The following OR2L13 variants were observed in gnomAD, a reference collection of about 807,000 sequenced individuals.
OR2L13 encodes the protein olfactory receptor family 2 subfamily L member 13.
A neutral mutation model predicts 15.3 loss-of-function variants in OR2L13; 14 were observed. That is an observed-to-expected ratio of 0.91 (90% CI 0.60 to 1.43). OR2L13 has a LOEUF of 1.43. Among genes scored for constraint, OR2L13 ranks in the 40% most tolerant of loss-of-function variants. OR2L13 has a pLI of 0.00. For synonymous variants in OR2L13, 152 were observed against 142.9 expected (o/e 1.06, Z -0.45); for missense variants, 367 against 387.9 (o/e 0.95, Z 0.45).
At chr1:248,053,290 T>C in the OR2L13 span, among the ~76,000 whole-genome samples, 1 of 152,322 alleles carries the variant, frequency 6.6e-6, no homozygotes, top group South Asian at 2.1e-4. Context: ...GATCTTATTA[T>C]TTTTTATGGC....
At chr1:248,099,986 T>C in exon 3 of OR2L13, 2 of 1,614,176 alleles carry the variant, frequency 1.2e-6, no homozygotes, top group Non-Finnish European at 1.7e-6. Context: ...AGTACAAGCC[T>C]CTTTCTCCTT....
At chr1:247,980,101 A>C in the OR2L13 span, among the ~76,000 whole-genome samples, 1 of 152,158 alleles carries the variant, frequency 6.6e-6, no homozygotes, top group Non-Finnish European at 1.5e-5. Context: ...TAATTAATTT[A>C]CTGGAAACCA....
chr1:248,077,696 C>G, the OR2L13 span, among the ~76,000 whole-genome samples: 22,786 of 151,876 alleles, frequency 0.15, 3,225 homozygotes, highest in African/African-American at 0.38. Flanking sequence ...TGTGTAAGTA[C>G]GACTTCATGA....
chr1:248,092,101 G>T (rs1388173543), upstream of OR2L13, among the ~76,000 whole-genome samples: 3 of 152,142 alleles, frequency 2.0e-5, no homozygotes, highest in East Asian at 1.9e-4. Context: ...GTATAGAAAT[G>T]ACACTGACTT....
the OR2L13 span, among the ~76,000 whole-genome samples, chr1:248,076,149 A>G: frequency 6.6e-6 from 1 of 152,114 alleles, no homozygotes; most frequent in South Asian, 2.1e-4. Flanking sequence ...CAAAGATCAG[A>G]TGGTTGTAGA....
the OR2L13 span, among the ~76,000 whole-genome samples, chr1:248,027,595 A>T: frequency 6.6e-6 from 1 of 152,152 alleles, no homozygotes; most frequent in East Asian, 1.9e-4. Flanking sequence ...CTGTCCCTTT[A>T]TTTCTCAGAC....
the OR2L13 span, among the ~76,000 whole-genome samples, chr1:247,983,335 G>A: frequency 6.6e-6 from 1 of 152,172 alleles, no homozygotes; most frequent in South Asian, 2.1e-4. Context: ...GACGTCGCCC[G>A]GGTTGAATGT....
chr1:247,975,992 CAAA>C, the OR2L13 span, among the ~76,000 whole-genome samples: 1 of 151,522 alleles, frequency 6.6e-6, no homozygotes, highest in Non-Finnish European at 1.5e-5. Flanking sequence ...ATTATTAAGA[CAAA>C]AATAATAAAT....
At chr1:248,017,834 C>A in the OR2L13 span, among the ~76,000 whole-genome samples, 1 of 152,242 alleles carries the variant, frequency 6.6e-6, no homozygotes, top group South Asian at 2.1e-4. Flanking sequence ...CAATGTCATA[C>A]AAACTTGCCT....
the OR2L13 span, among the ~76,000 whole-genome samples, chr1:248,072,515 A>G: frequency 0.053 from 8,070 of 152,218 alleles, 718 homozygotes; most frequent in African/African-American, 0.18. Context: ...ACCTAAAACC[A>G]TAAAAACCCT....
chr1:247,948,585 T>G, the OR2L13 span, among the ~76,000 whole-genome samples: 5 of 151,958 alleles, frequency 3.3e-5, no homozygotes, highest in African/African-American at 9.6e-5. Context: ...TTGAGAAAGA[T>G]AGAGATCATA....
chr1:247,938,609 T>C, the OR2L13 span, among the ~76,000 whole-genome samples: 3 of 152,048 alleles, frequency 2.0e-5, no homozygotes, highest in East Asian at 1.9e-4. Context: ...AACGCCTACA[T>C]TGAGGGTAGT....
chr1:248,038,816 G>A, the OR2L13 span: 1 of 1,614,192 alleles, frequency 6.2e-7, no homozygotes, highest in Middle Eastern at 1.6e-4. Context: ...TTCCAGCTAT[G>A]TTGACGCTAG....
the OR2L13 span, among the ~76,000 whole-genome samples, chr1:248,034,227 A>G: frequency 1.3e-5 from 2 of 152,172 alleles, no homozygotes; most frequent in African/African-American, 4.8e-5. Flanking sequence ...GAAAATGACC[A>G]TATTGCCAAA....
chr1:247,968,149 A>G, the OR2L13 span, among the ~76,000 whole-genome samples: 2 of 152,070 alleles, frequency 1.3e-5, no homozygotes, highest in African/African-American at 4.8e-5. Flanking sequence ...AATAATCATA[A>G]TAACCATAAA....
the OR2L13 span, among the ~76,000 whole-genome samples, chr1:247,955,562 T>C: frequency 1.5e-3 from 229 of 151,954 alleles, 2 homozygotes; most frequent in Non-Finnish European, 2.7e-3. Context: ...TACAGTCCCA[T>C]CAACAGTGTA....
the OR2L13 span, chr1:248,022,524 G>T: frequency 1.2e-6 from 2 of 1,613,988 alleles, no homozygotes; most frequent in African/African-American, 1.3e-5. Context: ...AGACACCTGG[G>T]TCTATGAGTA....
upstream of OR2L13, among the ~76,000 whole-genome samples, chr1:248,095,669 C>T (rs1430301489): frequency 5.5e-5 from 6 of 110,060 alleles, no homozygotes; most frequent in South Asian, 3.4e-4. Context: ...TGCAGGGTCA[C>T]GATCTCAGCT....
the OR2L13 span, among the ~76,000 whole-genome samples, chr1:248,056,150 A>G: frequency 6.6e-6 from 1 of 151,692 alleles, no homozygotes; most frequent in South Asian, 2.1e-4. Context: ...GTTCATTGGA[A>G]TCTTCTCTCT....
Sources: gnomAD v4.1 joint callset for allele counts (sites outside exome capture counted in the v4.1 genomes callset) on GRCh38, gnomAD v4.1.1 for gene constraint, MANE v1.5 for transcripts, NCBI Gene and HGNC (gene_info 2026-07-23, HGNC 2026-07-21) for gene names.